The following VWC2 variants were observed in gnomAD, a reference collection of about 807,000 sequenced individuals.
VWC2 encodes the protein brorin.
VWC2 carries 14 observed loss-of-function variants against 29.8 expected under a neutral mutation model. The observed-to-expected ratio is 0.47, with a 90% CI of 0.31 to 0.74. The LOEUF is 0.74. VWC2 is among the 30% of genes least tolerant of loss of function. The probability of loss-of-function intolerance (pLI) is 0.05; values close to 1 mark genes in which losing one functional copy is unlikely to be tolerated. For synonymous variants in VWC2, 213 were observed against 199.0 expected, an observed-to-expected ratio of 1.07 and a Z score of -0.59; for missense variants, 457 against 459.8, an observed-to-expected ratio of 0.99 and a Z score of 0.05.
chr7:49,873,531 C>T (rs929877330), intron 3 of VWC2, among the ~76,000 whole-genome samples: 4 of 152,116 alleles, frequency 2.6e-5, no homozygotes, highest in African/African-American at 7.2e-5. Flanking sequence ...CATTGCACAG[C>T]GGTTGGCTAG....
chr7:49,791,050 G>T (rs1461757515), intron 2 of VWC2, among the ~76,000 whole-genome samples: 1 of 152,110 alleles, frequency 6.6e-6, no homozygotes, highest in Non-Finnish European at 1.5e-5. Context: ...GCCTCAAGAA[G>T]TCACCAGACC....
chr7:49,790,945 G>A lies in VWC2; in HGVS notation c.697-11766G>A, dbSNP rs145246325. Among the ~76,000 whole-genome samples, 360 of 152,154 alleles carry A rather than the reference G, an allele frequency of 2.4e-3. 1 individual carries two copies. Among genetic ancestry groups the A allele is most frequent in the Non-Finnish European group, 4.1e-3 (278 of 68,012 alleles). Reference sequence around the variant, plus strand: ...GACAGGTGCAGGCAGAGCCATTTGCGCTCCAGGATGCCTGTGGATTCTGAG... The same window carrying A: ...GACAGGTGCAGGCAGAGCCATTTGCACTCCAGGATGCCTGTGGATTCTGAG... On this transcript the variant is annotated intron_variant, in intron 2 of 3. Coordinates refer to ENST00000340652, the MANE Select transcript of VWC2 (RefSeq NM_198570.5).
intron 3 of VWC2, among the ~76,000 whole-genome samples, chr7:49,851,076 C>T (rs969800250): frequency 2.6e-5 from 4 of 152,196 alleles, no homozygotes; most frequent in Admixed American, 1.3e-4. Context: ...TCTGGAGGTT[C>T]CGACGGCTGC....
chr7:49,889,771 TG>T (rs1457810438), intron 3 of VWC2, among the ~76,000 whole-genome samples: 2 of 152,208 alleles, frequency 1.3e-5, no homozygotes, highest in African/African-American at 4.8e-5. Flanking sequence ...TAACATATTT[TG>T]AATATATTCT....
chr7:49,899,636 T>G (rs1792599862), intron 3 of VWC2, among the ~76,000 whole-genome samples: 1 of 152,014 alleles, frequency 6.6e-6, no homozygotes, highest in Non-Finnish European at 1.5e-5. Context: ...AGGTCTTCAA[T>G]ATGCATTTGC....
At chr7:49,877,497 T>TATATATATATATAG (rs1791483461) in intron 3 of VWC2, among the ~76,000 whole-genome samples, 1 of 82,566 alleles carries the variant, frequency 1.2e-5, no homozygotes, top group Non-Finnish European at 2.5e-5. Flanking sequence ...TATATATATA[T>TATATATATATATAG]ATATATATAT....
In VWC2 at chr7:49,892,477, C is replaced by T. The variant is rs542598008; in HGVS notation, c.827-19557C>T. Reference sequence around the variant, plus strand: ...AAGTCCTGCTATACAGGGGTATATACATTATGATTATCTAAGGAGTGCAGA... The same window carrying T: ...AAGTCCTGCTATACAGGGGTATATATATTATGATTATCTAAGGAGTGCAGA... On this transcript the variant is annotated intron_variant, in intron 3 of 3. Transcript: ENST00000340652. Among the ~76,000 whole-genome samples, 24 of 152,276 alleles carry T rather than the reference C, an allele frequency of 1.6e-4. No individual in the cohort carries two copies. In the South Asian group the frequency reaches 5.0e-3, roughly 32 times the overall value.
intron 3 of VWC2, among the ~76,000 whole-genome samples, chr7:49,830,958 G>C (rs924286806): frequency 1.3e-5 from 2 of 152,078 alleles, no homozygotes; most frequent in Non-Finnish European, 2.9e-5. Context: ...TTGCTATTGT[G>C]AATAGTGCCG....
chr7:49,840,882 C>G (rs1428981649), intron 3 of VWC2, among the ~76,000 whole-genome samples: 1 of 152,110 alleles, frequency 6.6e-6, no homozygotes, highest in East Asian at 1.9e-4. Context: ...GTTGCCCTGT[C>G]TCAAGTTTTC....
intron 3 of VWC2, among the ~76,000 whole-genome samples, chr7:49,831,213 T>C (rs1789518030): frequency 6.6e-6 from 1 of 152,196 alleles, no homozygotes; most frequent in African/African-American, 2.4e-5. Flanking sequence ...GGGCTTATGG[T>C]GGTGGCTATC....
At chr7:49,789,206 T>C (rs1283473158) in intron 2 of VWC2, among the ~76,000 whole-genome samples, 1 of 147,012 alleles carries the variant, frequency 6.8e-6, no homozygotes, top group Non-Finnish European at 1.5e-5. Flanking sequence ...TGAGTGTGGG[T>C]GTGTGTGTGT....
At chr7:49,797,847 T>C (rs146615053) in intron 2 of VWC2, among the ~76,000 whole-genome samples, 2 of 152,320 alleles carry the variant, frequency 1.3e-5, no homozygotes, top group Non-Finnish European at 2.9e-5. Context: ...TGCCCAACTG[T>C]TTCTCCAGGC....
chr7:49,789,304 T>C (rs1788407556), intron 2 of VWC2, among the ~76,000 whole-genome samples: 1 of 132,854 alleles, frequency 7.5e-6, no homozygotes, highest in Non-Finnish European at 1.6e-5. Context: ...TGAGCGGGTG[T>C]GTGAGTGTGG....
chr7:49,823,913 C>A (rs989926776), intron 3 of VWC2, among the ~76,000 whole-genome samples: 1 of 151,952 alleles, frequency 6.6e-6, no homozygotes, highest in Non-Finnish European at 1.5e-5. Context: ...AGTGCCTGTT[C>A]AAATCTTTGG....
chr7:49,861,941 G>A (rs1231544837), intron 3 of VWC2, among the ~76,000 whole-genome samples: 1 of 152,116 alleles, frequency 6.6e-6, no homozygotes, highest in Non-Finnish European at 1.5e-5. Flanking sequence ...CTTTTTTAAA[G>A]ATTATTATGG....
chr7:49,834,279 C>A (rs1012906921), intron 3 of VWC2, among the ~76,000 whole-genome samples: 1 of 152,176 alleles, frequency 6.6e-6, no homozygotes, highest in Non-Finnish European at 1.5e-5. Flanking sequence ...GTTCTCTTGT[C>A]CTCTATTCAT....
In VWC2 at chr7:49,776,826, GATTATTATCC is replaced by G. The variant is rs368534155; in HGVS notation, c.696+699_696+708del. On this transcript the variant is annotated intron_variant, in intron 2 of 3. Transcript: ENST00000340652. ...AAATCTCATCCCATGCTAGGAGGTGGATTATTATCCATTGTCTCCATGTTATGGAGAAGAG... is the reference window on the plus strand; with the variant it reads ...AAATCTCATCCCATGCTAGGAGGTGGATTGTCTCCATGTTATGGAGAAGAG... Among the ~76,000 whole-genome samples the G allele has an allele frequency of 9.8e-5, 15 of 152,324 alleles. No homozygotes were observed. In the East Asian group the frequency reaches 2.9e-3, roughly 29 times the overall value.
intron 3 of VWC2, among the ~76,000 whole-genome samples, chr7:49,862,215 TTTA>T (rs1368186430): frequency 2.0e-5 from 3 of 152,198 alleles, no homozygotes; most frequent in Admixed American, 6.5e-5. Context: ...TCCTAGATAT[TTTA>T]TTATTTTAGA....
chr7:49,791,276 G>C (rs778201159), intron 2 of VWC2, among the ~76,000 whole-genome samples: 2 of 152,202 alleles, frequency 1.3e-5, no homozygotes, highest in South Asian at 4.1e-4. Flanking sequence ...AGGCACTTTC[G>C]CCATCTGGTG....
Sources: allele counts gnomAD v4.1 joint callset (sites outside exome capture counted in the v4.1 genomes callset), GRCh38; gene constraint gnomAD v4.1.1; transcripts MANE v1.5; gene names NCBI Gene and HGNC (gene_info 2026-07-23, HGNC 2026-07-21).